The following FARP1 variants were observed in gnomAD, a reference collection of about 807,000 sequenced individuals.
FARP1 encodes FERM, ARH/RhoGEF and pleckstrin domain protein 1, also known as FERM, ARHGEF and pleckstrin domain-containing protein 1.
Under a neutral mutation model 128.8 loss-of-function variants are expected in FARP1, and 52 were observed. The ratio of observed to expected loss-of-function variants is 0.40; its 90% CI spans 0.32 to 0.51. The LOEUF (loss-of-function observed/expected upper bound fraction) is 0.51, where lower values mean the gene tolerates loss of function less well. FARP1 is among the 20% of genes least tolerant of loss of function. The probability of loss-of-function intolerance (pLI) is 0.45; values close to 1 mark genes in which losing one functional copy is unlikely to be tolerated. For missense variants in FARP1, 1,333 were observed against 1,367.9 expected, an observed-to-expected ratio of 0.97 and a Z score of 0.40; for synonymous variants, 580 against 551.8, an observed-to-expected ratio of 1.05 and a Z score of -0.72.
chr13:98,435,680 A>T lies in FARP1; in HGVS notation c.2248A>T (p.Ile750Phe). 6.2e-7 allele frequency: 1 copy of T among 1,614,172 alleles called. No homozygotes were observed. The highest frequency in any genetic ancestry group is 8.5e-7 in the Non-Finnish European group (1 of 1,180,026). The change falls in exon 19 of 27, where the codon ATT becomes TTT. Residue 750 changes from isoleucine (I) to phenylalanine (F), a missense_variant. Ile to Phe is a conservative substitution (Grantham distance 21). This residue lies in a region of FARP1 where 1,009 missense variants were observed against 969.8 expected (regional missense o/e 1.04). Transcript: ENST00000319562. ...CGAACTCAAGAAAGATTTGATTGGC[A>T]TTGACAATCTTGTGGTTCCGGGAAG... is the stretch of plus-strand genomic sequence containing the variant. ...LHELKKDLIG[I>F]DNLVVPGREF...
At chr13:98,175,023 C>G (rs994854531) in intron 1 of FARP1, among the ~76,000 whole-genome samples, 4 of 152,118 alleles carry the variant, frequency 2.6e-5, no homozygotes, top group African/African-American at 9.7e-5. Context: ...GAAAGTTTTG[C>G]CGAAGTTCGC....
At chr13:98,218,560 G>C (rs1202427539) in intron 2 of FARP1, among the ~76,000 whole-genome samples, 1 of 152,150 alleles carries the variant, frequency 6.6e-6, no homozygotes, top group African/African-American at 2.4e-5. Flanking sequence ...TTTAATCTTA[G>C]AGCAAACCTT....
chr13:98,277,148 A>ACACACACACACACC (rs372627844), intron 2 of FARP1, among the ~76,000 whole-genome samples: 1,987 of 138,540 alleles, frequency 0.014, 32 homozygotes, highest in East Asian at 0.051. Context: ...ACACACACAC[A>ACACACACACACACC]CCCCATATGT....
intron 16 of FARP1, among the ~76,000 whole-genome samples, chr13:98,420,481 T>C (rs1241651941): frequency 1.3e-5 from 2 of 152,182 alleles, no homozygotes; most frequent in African/African-American, 4.8e-5. Flanking sequence ...TGAACGAAGT[T>C]TTGATACGAG....
Position 98,452,206 on chromosome 13 carries a change from G to A in FARP1, c.*3889G>A, listed in dbSNP as rs1893232170. 1 of 152,172 alleles carries A rather than the reference G, an allele frequency of 6.6e-6. No homozygotes were observed. The highest frequency in any genetic ancestry group is 1.5e-5 in the Non-Finnish European group (1 of 68,042). 9.4% of individuals were successfully genotyped at this position (152,172 alleles called of 1,614,324 possible). ...TGTGTAAGCATTCAGACATTTTTAG[G>A]TGGGAAAGATGATATGCAGAATCCA... On this transcript the variant is annotated 3_prime_UTR_variant, in exon 27 of 27. Transcript: ENST00000319562.
At chr13:98,279,458 T>C (rs1421831261) in intron 2 of FARP1, among the ~76,000 whole-genome samples, 2 of 152,262 alleles carry the variant, frequency 1.3e-5, no homozygotes, top group African/African-American at 2.4e-5. Context: ...ACAGCAGTGC[T>C]GAATGGTGGA....
chr13:98,178,410 G>A (rs567584441), intron 1 of FARP1, among the ~76,000 whole-genome samples: 1 of 152,182 alleles, frequency 6.6e-6, no homozygotes, highest in Non-Finnish European at 1.5e-5. Context: ...TGGCCAGGCT[G>A]GTGTGGAACT....
At chr13:98,395,134 G>T (rs1439497052) in intron 12 of FARP1, 93 bp from the exon 13 acceptor site, 1 of 1,468,986 alleles carries the variant, frequency 6.8e-7, no homozygotes, top group East Asian at 2.3e-5. Flanking sequence ...GGCCTCGGGT[G>T]TTCTTGCCTG....
At chr13:98,387,376 A>T (rs1890134391) in intron 8 of FARP1, among the ~76,000 whole-genome samples, 1 of 152,220 alleles carries the variant, frequency 6.6e-6, no homozygotes, top group South Asian at 2.1e-4. Flanking sequence ...AACCATTTCT[A>T]AAAAGTATTA....
intron 18 of FARP1, 26 bp from the exon 19 acceptor site, chr13:98,435,550 A>T: frequency 1.9e-6 from 3 of 1,586,714 alleles, no homozygotes; most frequent in Non-Finnish European, 2.6e-6. Flanking sequence ...TTCCCGCTGC[A>T]GACTGTGTAT....
At chr13:98,158,746 G>A (rs1033516261) in intron 1 of FARP1, among the ~76,000 whole-genome samples, 2 of 152,196 alleles carry the variant, frequency 1.3e-5, no homozygotes, top group African/African-American at 4.8e-5. Flanking sequence ...AGCCAGGACT[G>A]TAGGGGCTAA....
intron 19 of FARP1, among the ~76,000 whole-genome samples, chr13:98,438,455 C>A (rs2139104775): frequency 6.6e-6 from 1 of 152,202 alleles, no homozygotes; most frequent in South Asian, 2.1e-4. Flanking sequence ...GAGGCCCGGG[C>A]ACTCTTGAAC....
At chr13:98,390,349 CAG>C (rs1326989326) in intron 10 of FARP1, among the ~76,000 whole-genome samples, 5 of 152,228 alleles carry the variant, frequency 3.3e-5, no homozygotes, top group Non-Finnish European at 7.3e-5. Flanking sequence ...GTCTCTAACT[CAG>C]AAAGGATTTC....
chr13:98,160,970 G>A (rs755092705), intron 1 of FARP1, among the ~76,000 whole-genome samples: 7 of 151,992 alleles, frequency 4.6e-5, no homozygotes, highest in African/African-American at 1.7e-4. Context: ...GAGCCACCGC[G>A]CCTGGCTTAT....
intron 2 of FARP1, among the ~76,000 whole-genome samples, chr13:98,291,825 A>G (rs1049976124): frequency 6.6e-6 from 1 of 152,224 alleles, no homozygotes; most frequent in African/African-American, 2.4e-5. Context: ...GGTCATTCAA[A>G]GAACAGTCTG....
chr13:98,370,135 T>G (rs1889264321), intron 5 of FARP1, among the ~76,000 whole-genome samples: 1 of 152,228 alleles, frequency 6.6e-6, no homozygotes, highest in African/African-American at 2.4e-5. Context: ...GACTTCAGGC[T>G]GGTGGGTCTG....
At chr13:98,268,772 C>G (rs1432538238) in intron 2 of FARP1, among the ~76,000 whole-genome samples, 1 of 128,000 alleles carries the variant, frequency 7.8e-6, no homozygotes, top group African/African-American at 3.0e-5. Flanking sequence ...CTGGCCTTTC[C>G]CTTCTTTGTG....
chr13:98,244,669 T>C, intron 2 of FARP1: 1 of 1,614,178 alleles, frequency 6.2e-7, no homozygotes, highest in South Asian at 1.1e-5. Context: ...AGTAGAAGCT[T>C]AGCGGTCACA....
chr13:98,178,378 T>A (rs1413837855), intron 1 of FARP1, among the ~76,000 whole-genome samples: 3 of 152,046 alleles, frequency 2.0e-5, no homozygotes, highest in Admixed American at 2.0e-4. Flanking sequence ...GTGTTTTTAG[T>A]AGCGACAGGG....
Sources: allele counts gnomAD v4.1 joint callset (sites outside exome capture counted in the v4.1 genomes callset), GRCh38; gene constraint gnomAD v4.1.1; regional missense constraint gnomAD v4.1.1; transcripts MANE v1.5; gene names NCBI Gene and HGNC (gene_info 2026-07-23, HGNC 2026-07-21).